Variants in GRIK3 observed in about 807,000 individuals in gnomAD.
GRIK3 encodes the protein glutamate receptor ionotropic, kainate 3.
A neutral mutation model predicts 102.5 loss-of-function variants in GRIK3; 29 were observed. The ratio of observed to expected loss-of-function variants is 0.28; its 90% CI spans 0.21 to 0.39. GRIK3 has a LOEUF of 0.39. Among genes scored for constraint, GRIK3 ranks in the 10% least tolerant of loss-of-function variants. GRIK3 has a pLI of 1.00. For missense variants in GRIK3, 908 were observed against 1,252.4 expected (o/e 0.73, Z 4.15); for synonymous variants, 511 against 504.9 (o/e 1.01, Z -0.16).
intron 1 of GRIK3, among the ~76,000 whole-genome samples, chr1:36,912,067 A>T (rs1570794800): frequency 6.6e-6 from 1 of 151,618 alleles, no homozygotes; most frequent in Non-Finnish European, 1.5e-5. Flanking sequence ...GGGTGTCCTC[A>T]CCCCATGCTG....
At chr1:36,983,332 C>T (rs911211935) in intron 1 of GRIK3, among the ~76,000 whole-genome samples, 1 of 152,178 alleles carries the variant, frequency 6.6e-6, no homozygotes, top group Non-Finnish European at 1.5e-5. Context: ...CATGCACACA[C>T]TCCCACACGC....
chr1:37,024,316 T>C (rs1642744813), intron 1 of GRIK3, among the ~76,000 whole-genome samples: 2 of 152,066 alleles, frequency 1.3e-5, no homozygotes, highest in Admixed American at 1.3e-4. Context: ...CCAGAGTCAG[T>C]GGGCATGGTG....
intron 10 of GRIK3, among the ~76,000 whole-genome samples, chr1:36,834,827 G>A (rs568603592): frequency 2.0e-5 from 3 of 152,262 alleles, no homozygotes; most frequent in Admixed American, 1.3e-4. Flanking sequence ...GGGACTCCAC[G>A]CACTCAGCTG....
intron 1 of GRIK3, among the ~76,000 whole-genome samples, chr1:36,967,124 T>A (rs1210482906): frequency 2.6e-5 from 4 of 152,182 alleles, no homozygotes; most frequent in Non-Finnish European, 5.9e-5. Context: ...AAGTCAGACA[T>A]CCTGACTCTA....
chr1:37,023,042 G>A (rs190161470), intron 1 of GRIK3, among the ~76,000 whole-genome samples: 75 of 152,294 alleles, frequency 4.9e-4, no homozygotes, highest in African/African-American at 1.5e-3. Flanking sequence ...AAGAAATAGA[G>A]TGCCGGCCGG....
rs115745156 is a variant in GRIK3 at position 36,987,771 on chromosome 1, C to T, written c.115+46223G>A. On this transcript the variant is annotated intron_variant, in intron 1 of 15. Transcript: ENST00000373091. Reference sequence around the variant, plus strand: ...TCCACCGACAATAGCAGGAAGGTCACGACAGTGATAGATGGGCTGTCCTCT... The same window carrying T: ...TCCACCGACAATAGCAGGAAGGTCATGACAGTGATAGATGGGCTGTCCTCT... Among the ~76,000 whole-genome samples the T allele has an allele frequency of 4.7e-3, 708 of 152,170 alleles. 6 individuals carry two copies. Among genetic ancestry groups the T allele is most frequent in the African/African-American group, 0.017 (686 of 41,522 alleles).
At chr1:36,940,383 T>A (rs1022134693) in intron 1 of GRIK3, among the ~76,000 whole-genome samples, 3 of 152,240 alleles carry the variant, frequency 2.0e-5, no homozygotes, top group African/African-American at 7.2e-5. Flanking sequence ...TGATACATGA[T>A]CAGAGTAATC....
chr1:36,951,514 G>A (rs553753565), intron 1 of GRIK3, among the ~76,000 whole-genome samples: 3 of 152,208 alleles, frequency 2.0e-5, no homozygotes, highest in African/African-American at 4.8e-5. Flanking sequence ...CCCTCTCCTC[G>A]GCAGCATGGC....
chr1:36,946,020 G>A (rs1318676432), intron 1 of GRIK3, among the ~76,000 whole-genome samples: 1 of 152,240 alleles, frequency 6.6e-6, no homozygotes, highest in African/African-American at 2.4e-5. Flanking sequence ...ACACCCATGA[G>A]AATGACTGAC....
At chr1:37,028,710 C>T (rs1400877028) in intron 1 of GRIK3, among the ~76,000 whole-genome samples, 2 of 152,172 alleles carry the variant, frequency 1.3e-5, no homozygotes, top group Non-Finnish European at 1.5e-5. Flanking sequence ...ATGGCACAGC[C>T]AGCTAAATGC....
intron 1 of GRIK3, among the ~76,000 whole-genome samples, chr1:36,947,705 T>C (rs1641800085): frequency 6.6e-6 from 1 of 152,110 alleles, no homozygotes; most frequent in Non-Finnish European, 1.5e-5. Context: ...CAAAGCACTA[T>C]CAGCAGCTGA....
intron 1 of GRIK3, among the ~76,000 whole-genome samples, chr1:37,023,400 A>G (rs1481092726): frequency 4.6e-5 from 7 of 152,006 alleles, no homozygotes; most frequent in Non-Finnish European, 1.0e-4. Flanking sequence ...AGTGTGGGGG[A>G]AAGCACAGTG....
intron 1 of GRIK3, among the ~76,000 whole-genome samples, chr1:36,915,478 G>A (rs993315698): frequency 1.2e-4 from 19 of 152,116 alleles, no homozygotes; most frequent in African/African-American, 1.7e-4. Context: ...GCAAAACTCC[G>A]GGGTGGGAAC....
intron 10 of GRIK3, among the ~76,000 whole-genome samples, chr1:36,827,414 A>C (rs1223573495): frequency 1.4e-5 from 2 of 146,022 alleles, no homozygotes; most frequent in African/African-American, 5.6e-5. Context: ...CTAACAACAG[A>C]AAGGTTAAAG....
At chr1:37,007,147 G>A (rs544303764) in intron 1 of GRIK3, among the ~76,000 whole-genome samples, 26 of 152,344 alleles carry the variant, frequency 1.7e-4, no homozygotes, top group Admixed American at 1.1e-3. Context: ...AAGGGAACAC[G>A]GCATAGGGCA....
Position 36,880,979 on chromosome 1 carries a change from G to T in GRIK3, c.293-88C>A. The T allele has an allele frequency of 7.1e-7, 1 of 1,406,162 alleles. No homozygotes were observed. The highest frequency in any genetic ancestry group is 9.6e-7 in the Non-Finnish European group (1 of 1,042,200). 87.1% of individuals were successfully genotyped at this position (1,406,162 alleles called of 1,614,324 possible). Reference sequence around the variant, plus strand: ...TGCTGATGATCCTGTAAACATGTGGGAAAAACAGCAACTGGAACCCTCGGT... The same window carrying T: ...TGCTGATGATCCTGTAAACATGTGGTAAAAACAGCAACTGGAACCCTCGGT... On this transcript the variant is annotated intron_variant, in intron 2 of 15. Transcript: ENST00000373091. The surrounding 1 kb of genome is among the most constrained non-coding windows in gnomAD (Gnocchi z 5.4).
intron 1 of GRIK3, among the ~76,000 whole-genome samples, chr1:36,925,773 G>T (rs751236125): frequency 3.9e-5 from 6 of 152,238 alleles, no homozygotes; most frequent in Non-Finnish European, 8.8e-5. Context: ...CTGGGTCCCT[G>T]CATCCTTGGG....
chr1:36,877,595 A>G (rs528312654), intron 3 of GRIK3, among the ~76,000 whole-genome samples: 3 of 152,360 alleles, frequency 2.0e-5, no homozygotes, highest in African/African-American at 7.2e-5. Flanking sequence ...ATAGCCAGCT[A>G]CACTCTGTTA....
chr1:36,866,074 G>A (rs562824208), intron 5 of GRIK3, among the ~76,000 whole-genome samples: 4 of 152,268 alleles, frequency 2.6e-5, no homozygotes, highest in South Asian at 4.1e-4. Flanking sequence ...GTAGAGATAG[G>A]GTCTCACTAT....
Sources: allele counts gnomAD v4.1 joint callset (sites outside exome capture counted in the v4.1 genomes callset), GRCh38; gene constraint gnomAD v4.1.1; non-coding constraint Gnocchi (gnomAD v3.1); transcripts MANE v1.5; gene names NCBI Gene and HGNC (gene_info 2026-07-23, HGNC 2026-07-21).